Variants in MGA observed in about 807,000 individuals in gnomAD.
MGA encodes MAX dimerization protein MGA.
MGA carries 40 observed loss-of-function variants against 261.1 expected under a neutral mutation model. The observed-to-expected ratio is 0.15, with a 90% CI of 0.12 to 0.20. The LOEUF is 0.20. Among genes scored for constraint, MGA ranks in the 10% least tolerant of loss-of-function variants. MGA has a pLI of 1.00. For synonymous variants in MGA, 1,302 were observed against 1,290.6 expected (o/e 1.01, Z -0.19); for missense variants, 3,397 against 3,630.5 (o/e 0.94, Z 1.65).
intron 22 of MGA, among the ~76,000 whole-genome samples, chr15:41,763,943 C>T (rs1215548054): frequency 6.6e-6 from 1 of 151,938 alleles, no homozygotes; most frequent in Non-Finnish European, 1.5e-5. Context: ...GGATTGCTTG[C>T]ACTCAGGAAT....
upstream of MGA, among the ~76,000 whole-genome samples, chr15:41,656,340 T>TCC (rs1472057166): frequency 2.6e-4 from 18 of 68,222 alleles, no homozygotes; most frequent in Middle Eastern, 0.014. Context: ...CTCCCTCTCC[T>TCC]CTCTTCTCTC....
intron 2 of MGA, among the ~76,000 whole-genome samples, chr15:41,683,062 C>A (rs1239695722): frequency 6.6e-6 from 1 of 152,052 alleles, no homozygotes; most frequent in African/African-American, 2.4e-5. Context: ...TGTGTTGTTG[C>A]CTCCCGGTTT....
rs2061391427 is a variant in MGA, at chr15:41,729,306, A to G, written c.3800A>G (p.Gln1267Arg). 6 of 1,613,856 alleles carry G rather than the reference A, an allele frequency of 3.7e-6. No individual in the cohort carries two copies. The highest frequency in any genetic ancestry group is 4.2e-6 in the Non-Finnish European group (5 of 1,179,894). ...TCCCCATCTCCATCATTTCAGCAGC[A>G]AACTTCATGTCATTCTAGCCCTGAG... Residue 1267 changes from glutamine to arginine, a missense_variant, in exon 11 of 24, where the codon CAA becomes CGA. Gln to Arg is a conservative substitution (Grantham distance 43). Coordinates refer to ENST00000219905, the MANE Select transcript of MGA (RefSeq NM_001164273.2).
intron 1 of MGA, among the ~76,000 whole-genome samples, chr15:41,645,508 T>G (rs1281736142): frequency 6.6e-6 from 1 of 152,132 alleles, no homozygotes; most frequent in Non-Finnish European, 1.5e-5. Context: ...CTCTTGAACC[T>G]GGGAGGTGGA....
intron 3 of MGA, 59 bp downstream of exon 3, chr15:41,697,082 T>C: frequency 1.5e-6 from 2 of 1,312,824 alleles, no homozygotes; most frequent in Non-Finnish European, 2.0e-6. Flanking sequence ...AATTGTATAC[T>C]GGCTTGTAAG....
In MGA at chr15:41,742,552, G is replaced by A. The variant is rs777150170; in HGVS notation, c.4592G>A (p.Arg1531Gln). Residue 1531 changes from arginine (R) to glutamine (Q), a missense_variant, in exon 15 of 24, where the codon CGA (arginine) becomes CAA (glutamine). By Grantham distance (43) the Arg-to-Gln change is conservative (BLOSUM62 1). Transcript: ENST00000219905. ...TGCAAATTTCTGTTTGCAGCGGCTC[G>A]ACCCTCTCCTGGTGGTGTGTTCACA... The A allele has an allele frequency of 1.2e-6, 2 of 1,610,988 alleles. No homozygotes were observed. The highest frequency in any genetic ancestry group is 1.1e-5 in the South Asian group (1 of 90,884).
At chr15:41,739,176 G>A (rs2151824342) in intron 13 of MGA, among the ~76,000 whole-genome samples, 1 of 152,040 alleles carries the variant, frequency 6.6e-6, no homozygotes, top group Admixed American at 6.6e-5. Flanking sequence ...AACTGTGCTG[G>A]TACCCATGAT....
chr15:41,671,864 CAT>C (rs1356673786), intron 2 of MGA, among the ~76,000 whole-genome samples: 1 of 152,148 alleles, frequency 6.6e-6, no homozygotes, highest in East Asian at 1.9e-4. Flanking sequence ...TCAAGCAATG[CAT>C]AGTTTTTTTG....
chr15:41,743,678 G>C (rs149714093), intron 15 of MGA, among the ~76,000 whole-genome samples: 2 of 152,150 alleles, frequency 1.3e-5, no homozygotes, highest in African/African-American at 4.8e-5. Context: ...TGTGGGGTGT[G>C]GGGGGTGCTG....
At position 41,710,736 on chromosome 15, in the gene MGA, G is replaced by C; in HGVS notation, c.2471G>C (p.Ser824Thr). 6.2e-7 allele frequency: 1 copy of C among 1,613,390 alleles called. No individual in the cohort carries two copies. The highest frequency in any genetic ancestry group is 8.5e-7 in the Non-Finnish European group (1 of 1,179,676). ...CTGAAAAATCGTTCTGCTTTCTGTAGTGATAAGCTAGATGAATACTTGGAA... is the reference window on the plus strand; with the variant it reads ...CTGAAAAATCGTTCTGCTTTCTGTACTGATAAGCTAGATGAATACTTGGAA... Residue 824 changes from serine to threonine, a missense_variant, in exon 8 of 24, where the codon AGT becomes ACT. Around this residue, in one of 9 missense-constraint regions of MGA, gnomAD observed 519 missense variants for 554.1 expected, o/e 0.94. Transcript: ENST00000219905.
chr15:41,678,762 A>G (rs1444192142), intron 2 of MGA, among the ~76,000 whole-genome samples: 27 of 66,354 alleles, frequency 4.1e-4, no homozygotes, highest in Non-Finnish European at 7.8e-4. Context: ...GCAAGACTCC[A>G]TCTCAAAAAA....
At position 41,729,188 on chromosome 15, in the gene MGA, G is replaced by A. The variant is rs529502058; in HGVS notation, c.3682G>A (p.Val1228Ile). Residue 1228 changes from valine to isoleucine, a missense_variant, in exon 11 of 24, where the codon GTC (valine) becomes ATC (isoleucine). Physicochemically the swap from Val to Ile is conservative, Grantham distance 29. This residue lies in a region of MGA where 519 missense variants were observed against 554.1 expected (regional missense o/e 0.94). Coordinates refer to ENST00000219905, the MANE Select transcript of MGA (RefSeq NM_001164273.2). ...GATTCGGGAAGAGGACAAAGATCCA[G>A]TCTACTTGTACTTTGAAAGTATGAT... 44 of 1,613,788 alleles carry A rather than the reference G, an allele frequency of 2.7e-5. No homozygotes were observed. The Admixed American group carries it at 6.7e-4, about 24-fold the overall frequency.
chr15:41,736,199 C>G lies in MGA; in HGVS notation c.3935C>G (p.Ser1312Cys), dbSNP rs201801005. ...ACATCAGAAAAGAGCTGGAAGTCTT[C>G]CTGCAATGAAGGAGAATCCTCTTCT... The change falls in exon 13 of 24, where the codon TCC becomes TGC. Residue 1312 changes from serine (S) to cysteine (C), a missense_variant. Physicochemically the swap from Ser to Cys is moderately radical, Grantham distance 112. Transcript: ENST00000219905. 9.5e-5 allele frequency: 149 copies of G among 1,569,430 alleles called. No individual in the cohort carries two copies. The African/African-American group carries it at 1.9e-3, about 20-fold the overall frequency.
At chr15:41,743,195 T>C in intron 15 of MGA, 23 bp downstream of exon 15, 1 of 1,577,036 alleles carries the variant, frequency 6.3e-7, no homozygotes. Flanking sequence ...TGTTACTAGC[T>C]GCTTTATTTT....
chr15:41,686,429 G>A (rs1440700610), intron 2 of MGA, among the ~76,000 whole-genome samples: 1 of 152,158 alleles, frequency 6.6e-6, no homozygotes, highest in Admixed American at 6.5e-5. Flanking sequence ...TACTTGAGAG[G>A]CTGAGGTGGG....
chr15:41,713,753 T>A lies in MGA; in HGVS notation c.3430+257T>A, dbSNP rs1430549892. ...CATACTGTTACTTGGTTTTCTAGAA[T>A]GCCCTTGATCTTTGAGTTTCTTCCA... On this transcript the variant is annotated intron_variant, in intron 9 of 23. Transcript: ENST00000219905. 2.0e-5 allele frequency among the ~76,000 whole-genome samples: 3 copies of A among 152,204 alleles called. No homozygotes were observed. The East Asian group carries it at 5.8e-4, about 29-fold the overall frequency.
intron 11 of MGA, among the ~76,000 whole-genome samples, chr15:41,732,572 C>A (rs1040105189): frequency 6.6e-6 from 1 of 152,088 alleles, no homozygotes; most frequent in Non-Finnish European, 1.5e-5. Flanking sequence ...TTTAGATAAC[C>A]AAGTGAACAC....
At chr15:41,672,784 A>G (rs1422199151) in intron 2 of MGA, among the ~76,000 whole-genome samples, 1 of 152,110 alleles carries the variant, frequency 6.6e-6, no homozygotes, top group Non-Finnish European at 1.5e-5. Context: ...TAAAGCGTAA[A>G]ATATTTACTA....
chr15:41,768,267 A>G lies in MGA; in HGVS notation c.*987A>G, dbSNP rs1398555556. ...ACAGTAGGCACTCTTTACCAGGGAA[A>G]TAAGGCAGTATTTGAATCACAAGAT... On this transcript the variant is annotated 3_prime_UTR_variant, in exon 24 of 24. Coordinates refer to ENST00000219905, the MANE Select transcript of MGA (RefSeq NM_001164273.2). The G allele has an allele frequency of 6.5e-6, 1 of 152,700 alleles. No individual in the cohort carries two copies. Among genetic ancestry groups the G allele is most frequent in the African/African-American group, 2.4e-5 (1 of 41,474 alleles). 9.5% of individuals were successfully genotyped at this position (152,700 alleles called of 1,614,324 possible).
Sources: allele counts gnomAD v4.1 joint callset (sites outside exome capture counted in the v4.1 genomes callset), GRCh38; gene constraint gnomAD v4.1.1; regional missense constraint gnomAD v4.1.1; transcripts MANE v1.5; gene names NCBI Gene and HGNC (gene_info 2026-07-23, HGNC 2026-07-21).